The following EBF2 variants were observed in gnomAD, a reference collection of about 807,000 sequenced individuals.
EBF2 encodes the protein transcription factor COE2.
In EBF2, 21 loss-of-function variants were observed where a neutral mutation model predicts 72.8. That is an observed-to-expected ratio of 0.29 (90% CI 0.20 to 0.42). The LOEUF (loss-of-function observed/expected upper bound fraction) is 0.42, where lower values mean the gene tolerates loss of function less well. EBF2 is among the 10% of genes least tolerant of loss of function. The probability of loss-of-function intolerance (pLI) is 1.00; values close to 1 mark genes in which losing one functional copy is unlikely to be tolerated. For missense variants in EBF2, 637 were observed against 731.2 expected, an observed-to-expected ratio of 0.87 and a Z score of 1.49; for synonymous variants, 299 against 274.2, an observed-to-expected ratio of 1.09 and a Z score of -0.89.
chr8:26,024,985 C>A (rs1436048418), intron 6 of EBF2, among the ~76,000 whole-genome samples: 57 of 152,114 alleles, frequency 3.7e-4, no homozygotes, highest in Non-Finnish European at 1.5e-5. Flanking sequence ...GCCCATACCC[C>A]TGAACAAGAG....
intron 6 of EBF2, among the ~76,000 whole-genome samples, chr8:26,010,988 T>TACACACACACACACACACACAC (rs36211488): frequency 2.3e-4 from 35 of 150,868 alleles, no homozygotes; most frequent in African/African-American, 8.2e-4. Context: ...TATGTGTGCA[T>TACACACACACACACACACACAC]ACACACACAC....
intron 5 of EBF2, 97 bp downstream of exon 5, chr8:26,039,931 T>G: frequency 3.0e-6 from 4 of 1,339,380 alleles, no homozygotes; most frequent in Middle Eastern, 2.5e-4. Flanking sequence ...CTGCGAGCGC[T>G]CAGTCCTGAA....
intron 13 of EBF2, among the ~76,000 whole-genome samples, chr8:25,859,314 G>A (rs1802163613): frequency 1.3e-5 from 2 of 152,206 alleles, no homozygotes; most frequent in African/African-American, 2.4e-5. Flanking sequence ...GGCGGGGCCT[G>A]GAGGGGAACG....
intron 10 of EBF2, among the ~76,000 whole-genome samples, chr8:25,876,092 G>C (rs935631412): frequency 2.2e-4 from 34 of 152,334 alleles, no homozygotes; most frequent in African/African-American, 8.2e-4. Context: ...AAAAAGGAAT[G>C]AGAGCATGTC....
intron 13 of EBF2, among the ~76,000 whole-genome samples, chr8:25,859,142 T>C (rs1303075929): frequency 1.3e-5 from 2 of 152,128 alleles, no homozygotes; most frequent in Non-Finnish European, 2.9e-5. Flanking sequence ...TGAGATATGA[T>C]TGGTGTCACT....
intron 6 of EBF2, among the ~76,000 whole-genome samples, chr8:26,007,634 C>T (rs1322614186): frequency 6.6e-6 from 1 of 152,154 alleles, no homozygotes; most frequent in Non-Finnish European, 1.5e-5. Context: ...CAATAACACT[C>T]ATCACCCCTG....
At chr8:25,992,739 C>CA (rs1361162230) in intron 6 of EBF2, among the ~76,000 whole-genome samples, 2 of 151,658 alleles carry the variant, frequency 1.3e-5, no homozygotes, top group East Asian at 1.9e-4. Flanking sequence ...TTCATCGCTA[C>CA]AAAAAAATAC....
At chr8:26,016,605 T>C (rs576308701) in intron 6 of EBF2, among the ~76,000 whole-genome samples, 87 of 152,310 alleles carry the variant, frequency 5.7e-4, no homozygotes, top group Non-Finnish European at 1.1e-3. Flanking sequence ...TTTCACCTTA[T>C]TTATTTATGC....
In EBF2 at chr8:26,030,849, T is replaced by G. The variant is rs149206624; in HGVS notation, c.551+2236A>C. 8.6e-3 allele frequency among the ~76,000 whole-genome samples: 1,312 copies of G among 152,330 alleles called. 8 individuals are homozygous for G. The highest frequency in any genetic ancestry group is 0.014 in the Non-Finnish European group (985 of 68,028). ...ACGATTTCCACTTTCTCAGAAGAATTTAAAGCATGCTAGCACAAACTATGA... is the reference window on the plus strand; with the variant it reads ...ACGATTTCCACTTTCTCAGAAGAATGTAAAGCATGCTAGCACAAACTATGA... On this transcript the variant is annotated intron_variant, in intron 6 of 15. Coordinates refer to ENST00000520164, the MANE Select transcript of EBF2 (RefSeq NM_022659.4).
At chr8:25,973,318 C>A (rs910586831) in intron 6 of EBF2, among the ~76,000 whole-genome samples, 1 of 152,182 alleles carries the variant, frequency 6.6e-6, no homozygotes, top group African/African-American at 2.4e-5. Flanking sequence ...CTTTCCCCTG[C>A]CCAGCCTCAT....
At chr8:25,854,649 A>G (rs929238047) in intron 14 of EBF2, among the ~76,000 whole-genome samples, 1 of 152,136 alleles carries the variant, frequency 6.6e-6, no homozygotes, top group Non-Finnish European at 1.5e-5. Flanking sequence ...GAATACTACT[A>G]TTTTAATAGG....
chr8:25,885,687 T>G (rs541523974), intron 10 of EBF2, among the ~76,000 whole-genome samples: 5 of 152,292 alleles, frequency 3.3e-5, no homozygotes, highest in African/African-American at 1.2e-4. Flanking sequence ...GATGATTTTA[T>G]AGTGGGTTCC....
Position 26,027,368 on chromosome 8 carries a change from C to T in EBF2, c.551+5717G>A, listed in dbSNP as rs116012670. ...CTGTGTTAGACAGCAGGAGAAGGGCCAATGACAAGCCTGGACCAAAGGTGA... is the reference window on the plus strand; with the variant it reads ...CTGTGTTAGACAGCAGGAGAAGGGCTAATGACAAGCCTGGACCAAAGGTGA... On this transcript the variant is annotated intron_variant, in intron 6 of 15. Transcript: ENST00000520164. Among the ~76,000 whole-genome samples the T allele has an allele frequency of 2.6e-3, 391 of 152,026 alleles. 3 individuals carry two copies. The highest frequency in any genetic ancestry group is 9.1e-3 in the African/African-American group (379 of 41,490).
At chr8:25,878,588 G>A (rs1802559794) in intron 10 of EBF2, among the ~76,000 whole-genome samples, 1 of 152,216 alleles carries the variant, frequency 6.6e-6, no homozygotes, top group African/African-American at 2.4e-5. Context: ...CTCCATGGAT[G>A]ACATCAGCTT....
Position 26,044,622 on chromosome 8 carries a change from G to T in EBF2, c.131+107C>A, listed in dbSNP as rs1480638693. 6.7e-7 allele frequency: 1 copy of T among 1,482,860 alleles called. No individual in the cohort carries two copies. The highest frequency in any genetic ancestry group is 9.1e-7 in the Non-Finnish European group (1 of 1,097,852). The allele number at this position is 1,482,860 out of a possible 1,614,324, so 91.9% of individuals were successfully genotyped here. A position where few individuals can be genotyped will look rare whatever the true frequency, so the allele number is the denominator to read the frequency against. On this transcript the variant is annotated intron_variant, in intron 1 of 15. Coordinates refer to ENST00000520164, the MANE Select transcript of EBF2 (RefSeq NM_022659.4). The surrounding 1 kb of genome is among the most constrained non-coding windows in gnomAD (Gnocchi z 4.1). ...GCGCGCAGGGCCTGGGCGACAGATG[G>T]GGGGACAGGGAGAGAGAAAGGCACG...
chr8:25,846,262 G>T lies in EBF2; in HGVS notation c.1697-1622C>A, dbSNP rs1469727699. On this transcript the variant is annotated intron_variant, in intron 15 of 15. Coordinates refer to ENST00000520164, the MANE Select transcript of EBF2 (RefSeq NM_022659.4). ...TATTTTTTTTTTCCTGGAGGGAGCT[G>T]GAAAATGAATCAGACACATAGTGTG... 5.3e-5 allele frequency among the ~76,000 whole-genome samples: 8 copies of T among 151,900 alleles called. No individual in the cohort carries two copies. The East Asian group carries it at 1.5e-3, about 29-fold the overall frequency.
chr8:25,898,997 C>T (rs573811073), intron 7 of EBF2, among the ~76,000 whole-genome samples: 2 of 152,084 alleles, frequency 1.3e-5, no homozygotes, highest in Non-Finnish European at 2.9e-5. Flanking sequence ...CAAAAGTTTC[C>T]CAGGCAACTA....
chr8:26,020,256 C>T (rs2117243754), intron 6 of EBF2, among the ~76,000 whole-genome samples: 1 of 152,262 alleles, frequency 6.6e-6, no homozygotes, highest in East Asian at 1.9e-4. Flanking sequence ...TCTATCCCTC[C>T]CCGGGGAAGG....
chr8:25,872,437 T>C (rs1563383778), intron 10 of EBF2, among the ~76,000 whole-genome samples: 1 of 152,124 alleles, frequency 6.6e-6, no homozygotes, highest in African/African-American at 2.4e-5. Flanking sequence ...TACCATGGAA[T>C]CTGTAAATGG....
Sources: allele counts gnomAD v4.1 joint callset (sites outside exome capture counted in the v4.1 genomes callset), GRCh38; gene constraint gnomAD v4.1.1; non-coding constraint Gnocchi (gnomAD v3.1); transcripts MANE v1.5; gene names NCBI Gene and HGNC (gene_info 2026-07-23, HGNC 2026-07-21).